The following TWF1 variants were observed in gnomAD, a reference collection of about 807,000 sequenced individuals.
TWF1 encodes twinfilin actin binding protein 1.
Under a neutral mutation model 47.9 loss-of-function variants are expected in TWF1, and 14 were observed. That is an observed-to-expected ratio of 0.29 (90% confidence interval 0.19 to 0.46). The LOEUF is 0.46. TWF1 is among the 20% of genes least tolerant of loss of function. The probability of loss-of-function intolerance (pLI) is 1.00; values close to 1 mark genes in which losing one functional copy is unlikely to be tolerated. For missense variants in TWF1, 281 were observed against 409.3 expected (o/e 0.69, Z 2.70); for synonymous variants, 96 against 139.2 (o/e 0.69, Z 2.18).
At position 43,795,707 on chromosome 12, in the gene TWF1, C is replaced by G; in HGVS notation, c.931G>C (p.Glu311Gln). ...DELTADFLYE[E>Q]VHPKQHAHKQ... ...TGTGCATGCTGCTTGGGATGTACTT[C>G]TTCATAAAGGAAGTCTGCAGTCAAC... The change falls in exon 9 of 9, where the codon GAA becomes CAA. Residue 311 changes from glutamate (E) to glutamine (Q), a missense_variant. Glu to Gln is a conservative substitution (Grantham distance 29). Transcript: ENST00000395510. The G allele has an allele frequency of 6.2e-7, 1 of 1,613,874 alleles. No individual in the cohort carries two copies. Among genetic ancestry groups the G allele is most frequent in the Non-Finnish European group, 8.5e-7 (1 of 1,179,852 alleles).
At chr12:43,804,042 A>T (rs1015997768) in intron 2 of TWF1, 33 of 207,384 alleles carry the variant, frequency 1.6e-4, no homozygotes, top group Non-Finnish European at 2.3e-4. Flanking sequence ...AAAACAAGAA[A>T]GGGAAATGAT....
intron 1 of TWF1, chr12:43,805,784 C>T: frequency 7.4e-7 from 1 of 1,354,478 alleles, no homozygotes; most frequent in Non-Finnish European, 9.8e-7. Flanking sequence ...TTTTTGTAAT[C>T]AAAGTCCTGT....
rs1483415152 is a variant in TWF1 at position 43,802,443 on chromosome 12, T to C, written c.125A>G (p.Tyr42Cys). 6.3e-7 allele frequency: 1 copy of C among 1,599,900 alleles called. No homozygotes were observed. ...IENEQLVIGS[Y>C]SQPSDSWDKD... ...ATCCCAGGAATCTGAAGGCTGACTA[T>C]ATGATCCAATCACAAGTTGCTCTAT... is the stretch of plus-strand genomic sequence containing the variant. The change falls in exon 3 of 9, where the codon TAT (tyrosine) becomes TGT (cysteine). Residue 42 changes from tyrosine (Y) to cysteine (C), a missense_variant. By Grantham distance (194) the Tyr-to-Cys change is radical. Coordinates refer to ENST00000395510, the MANE Select transcript of TWF1 (RefSeq NM_002822.5).
At chr12:43,796,864 G>A in intron 8 of TWF1, 112 bp downstream of exon 8, 1 of 1,183,922 alleles carries the variant, frequency 8.4e-7, no homozygotes, top group East Asian at 2.5e-5. Context: ...GATTTAGGAT[G>A]ATAACAAGAA....
intron 4 of TWF1, 32 bp downstream of exon 4, chr12:43,800,403 C>A: frequency 6.5e-7 from 1 of 1,528,468 alleles, no homozygotes; most frequent in East Asian, 2.3e-5. Flanking sequence ...ATTTTAATTG[C>A]AACATATAGA....
At chr12:43,802,223 T>C (rs1338683927) in intron 3 of TWF1, 63 bp downstream of exon 3, 1 of 1,161,686 alleles carries the variant, frequency 8.6e-7, no homozygotes, top group African/African-American at 1.6e-5. Context: ...TTATTTGACC[T>C]AGAAATTTCA....
intron 2 of TWF1, among the ~76,000 whole-genome samples, chr12:43,802,855 A>C (rs1365537691): frequency 6.6e-6 from 1 of 152,206 alleles, no homozygotes; most frequent in African/African-American, 2.4e-5. Flanking sequence ...TCTGACATTA[A>C]CAATGAATTG....
chr12:43,797,221 G>T, intron 7 of TWF1, 81 bp downstream of exon 7: 1 of 1,486,436 alleles, frequency 6.7e-7, no homozygotes, highest in Non-Finnish European at 9.1e-7. Flanking sequence ...AGCCCTCTGG[G>T]CAAGAAATAA....
At chr12:43,805,026 T>A (rs1942731839) in intron 1 of TWF1, among the ~76,000 whole-genome samples, 1 of 152,260 alleles carries the variant, frequency 6.6e-6, no homozygotes, top group African/African-American at 2.4e-5. Flanking sequence ...ATATCCTAAC[T>A]TGTTTAAAGA....
In TWF1 at chr12:43,800,461, T is replaced by C; in HGVS notation, c.352A>G (p.Lys118Glu). 1.2e-6 allele frequency: 2 copies of C among 1,613,512 alleles called. No homozygotes were observed. Among genetic ancestry groups the C allele is most frequent in the East Asian group, 4.5e-5 (2 of 44,824 alleles). Reference sequence around the variant, plus strand: ...TTTACTGTTCCAAATACTTCATCTTTAATGTGGCCACCTCCAAATTCCTTC... The same window carrying C: ...TTTACTGTTCCAAATACTTCATCTTCAATGTGGCCACCTCCAAATTCCTTC... ...LKKEFGGGHI[K>E]DEVFGTVKED... is the part of the protein sequence containing the mutation. The change falls in exon 4 of 9, where the codon AAA (lysine) becomes GAA (glutamate). Residue 118 changes from lysine to glutamate, a missense_variant. Physicochemically the swap from Lys to Glu is moderately conservative, Grantham distance 56. Transcript: ENST00000395510.
chr12:43,798,968 A>G (rs988780164), intron 5 of TWF1, among the ~76,000 whole-genome samples: 1 of 152,116 alleles, frequency 6.6e-6, no homozygotes, highest in East Asian at 1.9e-4. Flanking sequence ...TCTTCCATAT[A>G]TATCTCTATT....
rs1209246970 is a variant in TWF1 at position 43,797,070 on chromosome 12, G to A, written c.788C>T (p.Thr263Ile). The change falls in exon 8 of 9, where the codon ACA (threonine) becomes ATA (isoleucine). Residue 263 changes from threonine to isoleucine, a missense_variant. Coordinates refer to ENST00000395510, the MANE Select transcript of TWF1 (RefSeq NM_002822.5). ...CAGCATCCGCTCTCTTATACTGCAT[G>A]TGTATCCAGGCATTGAATAAATAAA... is the stretch of plus-strand genomic sequence containing the variant. ...IVFIYSMPGY[T>I]CSIRERMLYS... is the part of the protein sequence containing the mutation. 2.5e-6 allele frequency: 4 copies of A among 1,602,900 alleles called. No homozygotes were observed. The highest frequency in any genetic ancestry group is 3.4e-6 in the Non-Finnish European group (4 of 1,175,486).
rs1224051807 is a variant in TWF1 at position 43,806,120 on chromosome 12, A to C, written c.25+101T>G. ...CTCGCCCCGCGAGACCGACTTCCGG[A>C]GCTCCCGGCCCGACTCCAGCCCTGC... is the stretch of plus-strand genomic sequence containing the variant. On this transcript the variant is annotated intron_variant, in intron 1 of 8. Transcript: ENST00000395510. The C allele has an allele frequency of 4.6e-6, 7 of 1,524,724 alleles. No individual in the cohort carries two copies. In the Admixed American group the frequency reaches 1.2e-4, roughly 26 times the overall value. 94.4% of individuals were successfully genotyped at this position (1,524,724 alleles called of 1,614,324 possible). A position where few individuals can be genotyped will look rare whatever the true frequency, so the allele number is the denominator to read the frequency against.
chr12:43,794,289 C>G lies in TWF1; in HGVS notation c.*1296G>C, dbSNP rs1592274967. 1.3e-5 allele frequency: 2 copies of G among 152,624 alleles called. No homozygotes were observed. Among genetic ancestry groups the G allele is most frequent in the Admixed American group, 1.3e-4 (2 of 15,286 alleles). The allele number at this position is 152,624 out of a possible 1,614,324, so 9.5% of individuals were successfully genotyped here. On this transcript the variant is annotated 3_prime_UTR_variant, in exon 9 of 9. Transcript: ENST00000395510. ...AACAAAACCCCAAATACTCTAAATT[C>G]TATTTTAAAAATCTGTCAACCCACA...
chr12:43,798,680 T>C, intron 5 of TWF1: 1 of 1,283,050 alleles, frequency 7.8e-7, no homozygotes, highest in Non-Finnish European at 1.1e-6. Context: ...TAAAATAATA[T>C]GATAGATCCT....
At position 43,798,437 on chromosome 12, in the gene TWF1, G is replaced by A. The variant is rs1942595840; in HGVS notation, c.484-604C>T. On this transcript the variant is annotated intron_variant, in intron 5 of 8. Coordinates refer to ENST00000395510, the MANE Select transcript of TWF1 (RefSeq NM_002822.5). Reference sequence around the variant, plus strand: ...TACTTGATAAATGATAGCTAGTAGAGAGTCTCATTCGCAGTGTTGCAACAG... The same window carrying A: ...TACTTGATAAATGATAGCTAGTAGAAAGTCTCATTCGCAGTGTTGCAACAG... The A allele has an allele frequency of 6.3e-6, 5 of 797,362 alleles. No individual in the cohort carries two copies. In the South Asian group the frequency reaches 1.0e-4, roughly 17 times the overall value. 49.4% of individuals were successfully genotyped at this position (797,362 alleles called of 1,614,324 possible).
At chr12:43,805,869 A>C in intron 1 of TWF1, 1 of 1,434,308 alleles carries the variant, frequency 7.0e-7, no homozygotes, top group Non-Finnish European at 9.3e-7. Context: ...AGTCGCCTCC[A>C]CTGTCCCAGC....
At chr12:43,806,034 G>A in intron 1 of TWF1, 187 bp downstream of exon 1, 2 of 1,521,120 alleles carry the variant, frequency 1.3e-6, no homozygotes, top group South Asian at 1.2e-5. Flanking sequence ...GACCGGGCTG[G>A]AGGAGGACGC....
rs991787885 is a variant in TWF1 at position 43,806,248 on chromosome 12, C to G, written c.-3G>C. 4 of 1,526,242 alleles carry G rather than the reference C, an allele frequency of 2.6e-6. No individual in the cohort carries two copies. The highest frequency in any genetic ancestry group is 2.0e-5 in the Admixed American group (1 of 49,686). 94.5% of individuals were successfully genotyped at this position (1,526,242 alleles called of 1,614,324 possible). ...TGGATGCCGGTCTGGTGGGACATGG[C>G]GGCGGCCGCTAGCTCCCGGCTCCGG... On this transcript the variant is annotated 5_prime_UTR_variant, in exon 1 of 9. Transcript: ENST00000395510.
Sources: allele counts gnomAD v4.1 joint callset (sites outside exome capture counted in the v4.1 genomes callset), GRCh38; gene constraint gnomAD v4.1.1; transcripts MANE v1.5; gene names NCBI Gene and HGNC (gene_info 2026-07-23, HGNC 2026-07-21).